Variants in CFAP299 observed in about 807,000 individuals in gnomAD.
The protein encoded by CFAP299 is cilia- and flagella-associated protein 299.
In CFAP299, 21 loss-of-function variants were observed where a neutral mutation model predicts 27.0. That is an observed-to-expected ratio of 0.78 (90% confidence interval 0.55 to 1.12). CFAP299 has a LOEUF of 1.12. Ranked by LOEUF, CFAP299 falls within the 50% of genes most tolerant of loss-of-function variation. The probability of loss-of-function intolerance (pLI) is 0.00; values close to 1 mark genes in which losing one functional copy is unlikely to be tolerated. For synonymous variants in CFAP299, 104 were observed against 98.1 expected (o/e 1.06, Z -0.36); for missense variants, 310 against 276.6 (o/e 1.12, Z -0.86).
At chr4:80,467,932 C>T (rs537728251) in intron 2 of CFAP299, among the ~76,000 whole-genome samples, 6 of 152,196 alleles carry the variant, frequency 3.9e-5, no homozygotes, top group East Asian at 1.9e-4. Context: ...TCACTCATCA[C>T]GAGAACATCA....
At chr4:80,764,426 C>T (rs777562879) in intron 3 of CFAP299, among the ~76,000 whole-genome samples, 1 of 151,856 alleles carries the variant, frequency 6.6e-6, no homozygotes, top group South Asian at 2.1e-4. Flanking sequence ...GAATGGCAAT[C>T]GTTAAAGTCT....
chr4:80,913,207 G>A (rs1702153717), intron 4 of CFAP299, among the ~76,000 whole-genome samples: 1 of 152,150 alleles, frequency 6.6e-6, no homozygotes, highest in Non-Finnish European at 1.5e-5. Flanking sequence ...ATTTGACAGT[G>A]AGTGAGAGAG....
chr4:80,586,664 C>T (rs1028645170), intron 3 of CFAP299, among the ~76,000 whole-genome samples: 1 of 152,022 alleles, frequency 6.6e-6, no homozygotes, highest in Admixed American at 6.6e-5. Flanking sequence ...TTCTAGTGAA[C>T]AAGCAGCTGG....
chr4:80,416,451 T>G (rs138223738), intron 2 of CFAP299, among the ~76,000 whole-genome samples: 59 of 152,312 alleles, frequency 3.9e-4, no homozygotes, highest in African/African-American at 1.3e-3. Flanking sequence ...AAAGCAGATA[T>G]AGCTAATACA....
intron 3 of CFAP299, among the ~76,000 whole-genome samples, chr4:80,631,221 C>A (rs967459396): frequency 6.6e-6 from 1 of 151,858 alleles, no homozygotes; most frequent in South Asian, 2.1e-4. Context: ...AAATAAGTAA[C>A]CTTTATCATT....
intron 2 of CFAP299, among the ~76,000 whole-genome samples, chr4:80,485,964 ATATTTATTTTTTTAGAGTTGTGGT>A (rs1730799667): frequency 3.9e-5 from 6 of 151,976 alleles, no homozygotes; most frequent in Admixed American, 3.9e-4. Flanking sequence ...TTTTTATTAT[ATATTTATTTTTTTAGAGTTGTGGT>A]TTGGCTGCGT....
intron 2 of CFAP299, among the ~76,000 whole-genome samples, chr4:80,562,326 C>T (rs1735071635): frequency 6.6e-6 from 1 of 151,840 alleles, no homozygotes; most frequent in African/African-American, 2.4e-5. Context: ...GGCTGGGCAC[C>T]ATGGCTCAAG....
chr4:80,721,905 C>T (rs750779136), intron 3 of CFAP299, among the ~76,000 whole-genome samples: 5 of 151,994 alleles, frequency 3.3e-5, no homozygotes, highest in Non-Finnish European at 7.4e-5. Context: ...GTCAAACCTA[C>T]GAAATTAAAA....
At chr4:80,603,327 G>A (rs889899138) in intron 3 of CFAP299, among the ~76,000 whole-genome samples, 1 of 152,090 alleles carries the variant, frequency 6.6e-6, no homozygotes, top group African/African-American at 2.4e-5. Context: ...AATACATGGT[G>A]CAAAATATCT....
At chr4:80,388,369 C>A (rs1383042228) in intron 2 of CFAP299, 1 of 681,456 alleles carries the variant, frequency 1.5e-6, no homozygotes. Flanking sequence ...ATGTAGAGAT[C>A]TGGCAATTGG....
intron 3 of CFAP299, among the ~76,000 whole-genome samples, chr4:80,815,718 C>T (rs1441440006): frequency 6.6e-6 from 1 of 151,662 alleles, no homozygotes; most frequent in Non-Finnish European, 1.5e-5. Context: ...CCAAATCAAA[C>T]ATAAAAATGA....
chr4:80,570,076 G>A (rs1247501714), intron 2 of CFAP299, among the ~76,000 whole-genome samples: 1 of 151,952 alleles, frequency 6.6e-6, no homozygotes, highest in Non-Finnish European at 1.5e-5. Context: ...ATTGGCAGAA[G>A]ACAGATACAT....
intron 2 of CFAP299, among the ~76,000 whole-genome samples, chr4:80,499,433 CAG>C (rs1364843399): frequency 1.3e-5 from 2 of 152,066 alleles, no homozygotes; most frequent in South Asian, 2.1e-4. Flanking sequence ...ATAACACTGA[CAG>C]ATATTTTTTC....
chr4:80,454,124 C>A (rs1210333756), intron 2 of CFAP299, among the ~76,000 whole-genome samples: 2 of 151,898 alleles, frequency 1.3e-5, no homozygotes, highest in African/African-American at 4.8e-5. Flanking sequence ...AATTTTCTGG[C>A]AGGCAGAAAG....
intron 3 of CFAP299, among the ~76,000 whole-genome samples, chr4:80,700,924 T>C (rs1192826297): frequency 6.6e-6 from 1 of 152,046 alleles, no homozygotes; most frequent in East Asian, 1.9e-4. Context: ...AACATGTTTA[T>C]TTTGTGCCAG....
intron 3 of CFAP299, among the ~76,000 whole-genome samples, chr4:80,624,265 G>A (rs1038532): frequency 0.29 from 44,535 of 151,562 alleles, 9,698 homozygotes; most frequent in African/African-American, 0.61. Flanking sequence ...GAAGAAAACA[G>A]TATTTGACCA....
intron 3 of CFAP299, among the ~76,000 whole-genome samples, chr4:80,664,176 A>G (rs1439470367): frequency 6.6e-6 from 1 of 152,026 alleles, no homozygotes; most frequent in East Asian, 1.9e-4. Context: ...TTCAAGCACA[A>G]AACTGGGCGG....
At chr4:80,386,195 T>A in intron 2 of CFAP299, 1 of 858,672 alleles carries the variant, frequency 1.2e-6, no homozygotes, top group South Asian at 1.8e-5. Context: ...GAGGCCTCGA[T>A]GTAGATGAGC....
At chr4:80,605,110 G>A (rs1257726582) in intron 3 of CFAP299, among the ~76,000 whole-genome samples, 1 of 152,144 alleles carries the variant, frequency 6.6e-6, no homozygotes, top group Non-Finnish European at 1.5e-5. Context: ...TTTCATGCCT[G>A]AGTCATATAA....
Sources: allele counts gnomAD v4.1 joint callset (sites outside exome capture counted in the v4.1 genomes callset), GRCh38; gene constraint gnomAD v4.1.1; transcripts MANE v1.5; gene names NCBI Gene and HGNC (gene_info 2026-07-23, HGNC 2026-07-21).